The following GALNTL6 variants were observed in gnomAD, a reference collection of about 807,000 sequenced individuals.
GALNTL6 encodes polypeptide N-acetylgalactosaminyltransferase-like 6.
In GALNTL6, 46 loss-of-function variants were observed where a neutral mutation model predicts 73.7. The ratio of observed to expected loss-of-function variants is 0.62; its 90% confidence interval spans 0.49 to 0.80. The LOEUF is 0.80. GALNTL6 is among the 30% of genes least tolerant of loss of function. The pLI is 0.00. For synonymous variants in GALNTL6, 259 were observed against 263.7 expected (o/e 0.98, Z 0.17); for missense variants, 604 against 755.0 (o/e 0.80, Z 2.34).
At chr4:172,600,028 A>G (rs1737996409) in intron 5 of GALNTL6, among the ~76,000 whole-genome samples, 2 of 152,162 alleles carry the variant, frequency 1.3e-5, no homozygotes, top group South Asian at 4.1e-4. Context: ...AAAAGTTAAC[A>G]GGTAAATTTC....
chr4:172,076,567 A>G (rs1731709233), intron 2 of GALNTL6, among the ~76,000 whole-genome samples: 2 of 152,202 alleles, frequency 1.3e-5, no homozygotes, highest in African/African-American at 4.8e-5. Context: ...AAATCGCCAC[A>G]TCTGTACTGT....
chr4:172,657,016 T>C (rs777622467), intron 5 of GALNTL6, among the ~76,000 whole-genome samples: 1 of 152,168 alleles, frequency 6.6e-6, no homozygotes, highest in Non-Finnish European at 1.5e-5. Flanking sequence ...AATAACCTCC[T>C]TTCATTAGTA....
intron 5 of GALNTL6, among the ~76,000 whole-genome samples, chr4:172,432,066 T>G (rs370907148): frequency 1.3e-5 from 2 of 152,066 alleles, no homozygotes; most frequent in African/African-American, 4.8e-5. Context: ...AAAATAGCGC[T>G]TTCTAGCTCC....
chr4:172,662,304 T>G (rs1731418160), intron 5 of GALNTL6, among the ~76,000 whole-genome samples: 1 of 152,186 alleles, frequency 6.6e-6, no homozygotes, highest in Non-Finnish European at 1.5e-5. Flanking sequence ...GCGAAATATT[T>G]CCAATTCTCT....
chr4:172,318,970 G>GA lies in GALNTL6; in HGVS notation c.386+7225dup, dbSNP rs1302544796. ...TAGATTCATAATTTTGACCTTTAAA[G>GA]AAAAAAATCTGAAAATTTGATGTAA... On this transcript the variant is annotated intron_variant, in intron 4 of 12. Transcript: ENST00000506823. Among the ~76,000 whole-genome samples, 18 of 152,058 alleles carry GA rather than the reference G, an allele frequency of 1.2e-4. No individual in the cohort carries two copies. The East Asian group carries it at 3.3e-3, about 28-fold the overall frequency.
At chr4:172,840,886 A>G (rs1743170741) in intron 7 of GALNTL6, among the ~76,000 whole-genome samples, 1 of 152,182 alleles carries the variant, frequency 6.6e-6, no homozygotes, top group Non-Finnish European at 1.5e-5. Flanking sequence ...TGCTCAAGAC[A>G]TGCCCTCTCC....
Position 172,176,295 on chromosome 4 carries a change from G to A in GALNTL6, c.139-53361G>A, listed in dbSNP as rs546408050. 3.8e-3 allele frequency among the ~76,000 whole-genome samples: 431 copies of A among 113,994 alleles called. 6 individuals are homozygous for A. The highest frequency in any genetic ancestry group is 0.014 in the African/African-American group (416 of 30,102). The allele number at this position is 113,994 out of a possible 152,430, so 74.8% of individuals were successfully genotyped here. A position where few individuals can be genotyped will look rare whatever the true frequency, so the allele number is the denominator to read the frequency against. On this transcript the variant is annotated intron_variant, in intron 2 of 12. Coordinates refer to ENST00000506823, the MANE Select transcript of GALNTL6 (RefSeq NM_001034845.3). ...GCGGAGCCTGCAGTGAGCCGAGATC[G>A]CGCCACTGCACTCCAACCTGGGCGA...
chr4:172,594,073 G>A (rs12505030), intron 5 of GALNTL6, among the ~76,000 whole-genome samples: 69,724 of 151,980 alleles, frequency 0.46, 17,782 homozygotes, highest in East Asian at 0.68. Context: ...TTGGCTGGGC[G>A]CGGTGGCTCA....
intron 2 of GALNTL6, among the ~76,000 whole-genome samples, chr4:172,110,889 A>C (rs778165886): frequency 7.9e-5 from 12 of 152,118 alleles, no homozygotes; most frequent in Non-Finnish European, 1.8e-4. Context: ...GGCAGAACCC[A>C]CGGAAGAGAA....
At chr4:172,646,445 A>G (rs2111137294) in intron 5 of GALNTL6, among the ~76,000 whole-genome samples, 1 of 152,158 alleles carries the variant, frequency 6.6e-6, no homozygotes, top group Admixed American at 6.5e-5. Flanking sequence ...TCTAGGTATT[A>G]ATATTCTAAA....
At position 173,010,220 on chromosome 4, in the gene GALNTL6, T is replaced by C. The variant is rs1032377000; in HGVS notation, c.1488+926T>C. Among the ~76,000 whole-genome samples, 3 of 152,288 alleles carry C rather than the reference T, an allele frequency of 2.0e-5. No individual in the cohort carries two copies. The East Asian group carries it at 5.8e-4, about 29-fold the overall frequency. Reference sequence around the variant, plus strand: ...CTACTATCATCTCCATGGGTTCAATTGTTTTGATTTTTAGATCCCACAAAT... The same window carrying C: ...CTACTATCATCTCCATGGGTTCAATCGTTTTGATTTTTAGATCCCACAAAT... On this transcript the variant is annotated intron_variant, in intron 11 of 12. Transcript: ENST00000506823.
intron 2 of GALNTL6, among the ~76,000 whole-genome samples, chr4:171,988,874 C>A (rs565843728): frequency 2.0e-5 from 3 of 151,820 alleles, no homozygotes; most frequent in African/African-American, 7.3e-5. Flanking sequence ...ATACTTGTGG[C>A]TTAAGGTGGG....
At chr4:172,393,368 A>C (rs1743735965) in intron 5 of GALNTL6, among the ~76,000 whole-genome samples, 1 of 152,122 alleles carries the variant, frequency 6.6e-6, no homozygotes, top group African/African-American at 2.4e-5. Context: ...CTTCTTTTTC[A>C]TGTAGCTCTC....
intron 2 of GALNTL6, among the ~76,000 whole-genome samples, chr4:172,125,293 A>G (rs536148925): frequency 1.9e-3 from 286 of 152,340 alleles, no homozygotes; most frequent in African/African-American, 6.5e-3. Context: ...AATTAAATAA[A>G]TCTCAGGAAG....
At position 172,155,723 on chromosome 4, in the gene GALNTL6, A is replaced by G. The variant is rs114715881; in HGVS notation, c.139-73933A>G. 8.1e-3 allele frequency among the ~76,000 whole-genome samples: 1,231 copies of G among 152,282 alleles called. 20 individuals are homozygous for G. The highest frequency in any genetic ancestry group is 0.028 in the African/African-American group (1,163 of 41,566). On this transcript the variant is annotated intron_variant, in intron 2 of 12. Transcript: ENST00000506823. ...TACCTATTATGTAATTCTGACAAGT[A>G]AATTAATATTACTCATTAGATCAGA...
chr4:172,726,394 T>A (rs1359119122), intron 5 of GALNTL6, among the ~76,000 whole-genome samples: 1 of 152,144 alleles, frequency 6.6e-6, no homozygotes, highest in Non-Finnish European at 1.5e-5. Flanking sequence ...GTAAGCATGT[T>A]AGTAAGAGCA....
intron 5 of GALNTL6, among the ~76,000 whole-genome samples, chr4:172,605,406 G>A (rs1738215536): frequency 6.6e-6 from 1 of 152,108 alleles, no homozygotes; most frequent in African/African-American, 2.4e-5. Context: ...ATCTTGATGA[G>A]GAATCAGATT....
chr4:172,847,924 A>C (rs140187216), intron 7 of GALNTL6, among the ~76,000 whole-genome samples: 3 of 152,276 alleles, frequency 2.0e-5, no homozygotes, highest in African/African-American at 7.2e-5. Context: ...TAAGTATGAG[A>C]GCTACTTAGA....
intron 5 of GALNTL6, among the ~76,000 whole-genome samples, chr4:172,402,408 C>G (rs1248362934): frequency 2.0e-5 from 3 of 152,070 alleles, no homozygotes; most frequent in Non-Finnish European, 4.4e-5. Flanking sequence ...AATGGCACTG[C>G]TACCTTTCAG....
Sources: allele counts gnomAD v4.1 joint callset (sites outside exome capture counted in the v4.1 genomes callset), GRCh38; gene constraint gnomAD v4.1.1; transcripts MANE v1.5; gene names NCBI Gene and HGNC (gene_info 2026-07-23, HGNC 2026-07-21).